Variants in SAMTOR observed in about 807,000 individuals in gnomAD.
The protein encoded by SAMTOR is S-adenosylmethionine sensor upstream of mTORC1.
the SAMTOR span, among the ~76,000 whole-genome samples, chr7:112,879,748 G>A: frequency 6.6e-6 from 1 of 152,112 alleles, no homozygotes; most frequent in African/African-American, 2.4e-5. Context: ...TGCTCAACCT[G>A]TAGAACATAC....
At chr7:112,923,234 A>G in the SAMTOR span, among the ~76,000 whole-genome samples, 2 of 152,110 alleles carry the variant, frequency 1.3e-5, no homozygotes, top group African/African-American at 4.8e-5. Flanking sequence ...TAAATGGATT[A>G]AGGGCGGTGC....
chr7:112,935,737 G>A, the SAMTOR span, among the ~76,000 whole-genome samples: 5 of 152,024 alleles, frequency 3.3e-5, no homozygotes, highest in African/African-American at 4.8e-5. Context: ...AAATAAAAAC[G>A]AAATGGAATG....
chr7:112,873,171 C>T, the SAMTOR span, among the ~76,000 whole-genome samples: 81 of 152,112 alleles, frequency 5.3e-4, no homozygotes, highest in African/African-American at 2.0e-3. Flanking sequence ...AATGCTCTTC[C>T]TATCAAATCA....
At chr7:112,928,658 C>T in the SAMTOR span, among the ~76,000 whole-genome samples, 1 of 151,966 alleles carries the variant, frequency 6.6e-6, no homozygotes, top group Admixed American at 6.6e-5. Flanking sequence ...ATTCAAACTA[C>T]AGAGGATGGC....
At chr7:112,829,503 G>A in the SAMTOR span, among the ~76,000 whole-genome samples, 1 of 152,078 alleles carries the variant, frequency 6.6e-6, no homozygotes, top group African/African-American at 2.4e-5. Context: ...GTTCAGGGTT[G>A]GTCATTGTTG....
the SAMTOR span, among the ~76,000 whole-genome samples, chr7:112,857,649 T>C: frequency 2.0e-5 from 3 of 152,210 alleles, no homozygotes; most frequent in Admixed American, 6.5e-5. Context: ...TATTGTGTCT[T>C]TGCATCACAG....
At chr7:112,886,396 T>C in the SAMTOR span, among the ~76,000 whole-genome samples, 1 of 152,228 alleles carries the variant, frequency 6.6e-6, no homozygotes, top group Non-Finnish European at 1.5e-5. Flanking sequence ...TTCAGTAATA[T>C]GTACAAGAGC....
At chr7:112,824,787 G>A in the SAMTOR span, among the ~76,000 whole-genome samples, 7 of 152,280 alleles carry the variant, frequency 4.6e-5, no homozygotes, top group East Asian at 9.7e-4. Flanking sequence ...AATCACGTAC[G>A]TAAGTTTGGG....
the SAMTOR span, among the ~76,000 whole-genome samples, chr7:112,865,692 T>C: frequency 2.1e-5 from 3 of 142,466 alleles, no homozygotes; most frequent in African/African-American, 8.3e-5. Context: ...ATATATTTCA[T>C]ATATACATAT....
At chr7:112,911,620 GCAGA>G in the SAMTOR span, among the ~76,000 whole-genome samples, 1 of 151,912 alleles carries the variant, frequency 6.6e-6, no homozygotes, top group Non-Finnish European at 1.5e-5. Flanking sequence ...GTTAGAATAA[GCAGA>G]CAAAAACTTT....
chr7:112,898,722 A>G, the SAMTOR span, among the ~76,000 whole-genome samples: 1 of 152,184 alleles, frequency 6.6e-6, no homozygotes, highest in East Asian at 1.9e-4. Flanking sequence ...CTTCTTCCCC[A>G]ACTCTGGTCA....
the SAMTOR span, among the ~76,000 whole-genome samples, chr7:112,899,752 C>A: frequency 7.7e-6 from 1 of 129,470 alleles, no homozygotes. Flanking sequence ...CCTTACAGGC[C>A]AAGAGGGAAT....
At chr7:112,911,133 T>C in the SAMTOR span, among the ~76,000 whole-genome samples, 2 of 152,146 alleles carry the variant, frequency 1.3e-5, no homozygotes, top group South Asian at 2.1e-4. Context: ...GACAGATTGA[T>C]ATCTTTAAGA....
chr7:112,912,115 T>C, the SAMTOR span, among the ~76,000 whole-genome samples: 1 of 151,936 alleles, frequency 6.6e-6, no homozygotes, highest in Non-Finnish European at 1.5e-5. Context: ...GAAAATTAGA[T>C]TACTGTTAAC....
At chr7:112,896,185 G>C in the SAMTOR span, among the ~76,000 whole-genome samples, 1 of 152,072 alleles carries the variant, frequency 6.6e-6, no homozygotes, top group African/African-American at 2.4e-5. Context: ...GTCAGGGTGA[G>C]TGTGCGTGCA....
the SAMTOR span, among the ~76,000 whole-genome samples, chr7:112,832,156 C>T: frequency 5.9e-5 from 9 of 151,814 alleles, no homozygotes; most frequent in African/African-American, 1.5e-4. Flanking sequence ...GGATTATGGG[C>T]GCTTGCCACC....
chr7:112,883,442 A>G, the SAMTOR span, among the ~76,000 whole-genome samples: 1 of 152,340 alleles, frequency 6.6e-6, no homozygotes, highest in African/African-American at 2.4e-5. Context: ...CCCCAAACAG[A>G]TAATTCTAAA....
chr7:112,866,298 T>C, the SAMTOR span, among the ~76,000 whole-genome samples: 1 of 152,180 alleles, frequency 6.6e-6, no homozygotes, highest in South Asian at 2.1e-4. Flanking sequence ...AAGAATAAGA[T>C]TTGAGATTAA....
At chr7:112,892,292 C>G in the SAMTOR span, among the ~76,000 whole-genome samples, 1 of 152,126 alleles carries the variant, frequency 6.6e-6, no homozygotes. Context: ...ATCCATGAGG[C>G]TTGGAATAAA....
Sources: allele counts gnomAD v4.1 joint callset (sites outside exome capture counted in the v4.1 genomes callset), GRCh38; gene constraint gnomAD v4.1.1; transcripts MANE v1.5; gene names NCBI Gene and HGNC (gene_info 2026-07-23, HGNC 2026-07-21).